CELA2B: variants seen among roughly 807,000 people sequenced by gnomAD.
The protein encoded by CELA2B is chymotrypsin like elastase 2B, also known as chymotrypsin-like elastase family member 2B.
A neutral mutation model predicts 36.5 loss-of-function variants in CELA2B; 27 were observed. That is an observed-to-expected ratio of 0.74 (90% CI 0.55 to 1.02). CELA2B has a LOEUF of 1.02. CELA2B is among the 50% of genes least tolerant of loss of function. The pLI, the probability that CELA2B is intolerant of heterozygous loss-of-function variation, is 0.00. For synonymous variants in CELA2B, 143 were observed against 148.5 expected (o/e 0.96, Z 0.27); for missense variants, 340 against 347.8 (o/e 0.98, Z 0.18).
At chr1:15,477,166 C>T (rs1200422702) in intron 2 of CELA2B, among the ~76,000 whole-genome samples, 1 of 152,162 alleles carries the variant, frequency 6.6e-6, no homozygotes, top group Admixed American at 6.5e-5. Flanking sequence ...TCCTATGAAC[C>T]ATTCAAGACT....
chr1:15,484,225 G>A (rs1373495797), intron 5 of CELA2B, among the ~76,000 whole-genome samples: 1 of 152,054 alleles, frequency 6.6e-6, no homozygotes, highest in Admixed American at 6.6e-5. Context: ...GTGCCATTTG[G>A]TCTTGCTACT....
chr1:15,489,265 C>T (rs1708842350), intron 7 of CELA2B, among the ~76,000 whole-genome samples: 1 of 151,112 alleles, frequency 6.6e-6, no homozygotes, highest in Non-Finnish European at 1.5e-5. Context: ...TGTTCCCAGC[C>T]ACAGACACAA....
chr1:15,483,520 G>A, intron 5 of CELA2B, 120 bp downstream of exon 5: 1 of 1,499,780 alleles, frequency 6.7e-7, no homozygotes, highest in African/African-American at 1.4e-5. Context: ...GGAGAGACAG[G>A]ATGGCATAGG....
At chr1:15,491,240 G>T in intron 7 of CELA2B, 55 bp from the exon 8 acceptor site, 7 of 1,611,800 alleles carry the variant, frequency 4.3e-6, no homozygotes, top group Non-Finnish European at 5.9e-6. Context: ...AAACTGCCAC[G>T]CACAGCTCTG....
chr1:15,490,440 C>T (rs1708868224), intron 7 of CELA2B, among the ~76,000 whole-genome samples: 1 of 152,188 alleles, frequency 6.6e-6, no homozygotes, highest in African/African-American at 2.4e-5. Flanking sequence ...ATGCAGCTTT[C>T]ATGTTTCCTA....
intron 1 of CELA2B, 97 bp from the exon 2 acceptor site, chr1:15,476,360 C>T (rs1163790692): frequency 2.4e-5 from 35 of 1,434,104 alleles, no homozygotes; most frequent in Non-Finnish European, 3.1e-5. Flanking sequence ...CCTTCTAGAA[C>T]AAGGGTTTTC....
At position 15,490,220 on chromosome 1, in the gene CELA2B, ATATCTATCTATC is replaced by A. The variant is rs3060903; in HGVS notation, c.793-1047_793-1036del. ...GTGTGGTCTTCTCAACTTTATGTGCATATCTATCTATCTATCTATCTATCTATCTATCTATCT... is the reference window on the plus strand; with the variant it reads ...GTGTGGTCTTCTCAACTTTATGTGCATATCTATCTATCTATCTATCTATCT... On this transcript the variant is annotated intron_variant, in intron 7 of 7. Transcript: ENST00000375910. Among the ~76,000 whole-genome samples the A allele has an allele frequency of 2.8e-3, 418 of 148,616 alleles. 4 individuals are homozygous for A. Among genetic ancestry groups the A allele is most frequent in the African/African-American group, 7.3e-3 (296 of 40,482 alleles).
At chr1:15,480,777 T>C (rs892273270) in intron 2 of CELA2B, among the ~76,000 whole-genome samples, 1 of 151,992 alleles carries the variant, frequency 6.6e-6, no homozygotes, top group African/African-American at 2.4e-5. Context: ...AGCCAAACCA[T>C]ATCAGACGGG....
chr1:15,485,792 T>C (rs1708796290), intron 5 of CELA2B, 109 bp from the exon 6 acceptor site: 3 of 1,318,350 alleles, frequency 2.3e-6, no homozygotes, highest in Non-Finnish European at 3.2e-6. Flanking sequence ...GCTGTTCCCA[T>C]GTTGCAATGG....
intron 2 of CELA2B, among the ~76,000 whole-genome samples, chr1:15,479,132 G>A (rs1388671011): frequency 6.6e-6 from 1 of 152,182 alleles, no homozygotes; most frequent in Non-Finnish European, 1.5e-5. Flanking sequence ...TGGGGTGGGG[G>A]AGTAGATACT....
In CELA2B at chr1:15,483,244, C is replaced by T. The variant is rs533711715; in HGVS notation, c.357-20C>T. ...GAAAAGTCAACCCTGTTCTCATGCT[C>T]CGCCTCCGCACTCACCCAGGAACGA... On this transcript the variant is annotated intron_variant, in intron 4 of 7. Transcript: ENST00000375910. 7.7e-5 allele frequency: 125 copies of T among 1,613,146 alleles called. 1 individual carries two copies. In the South Asian group the frequency reaches 1.2e-3, roughly 16 times the overall value.
At chr1:15,489,766 A>T (rs1286158029) in intron 7 of CELA2B, among the ~76,000 whole-genome samples, 1 of 152,248 alleles carries the variant, frequency 6.6e-6, no homozygotes, top group Non-Finnish European at 1.5e-5. Context: ...AAGGTAATAC[A>T]TACTCTTTGT....
At chr1:15,485,501 CAG>C (rs1489420908) in intron 5 of CELA2B, among the ~76,000 whole-genome samples, 1 of 152,256 alleles carries the variant, frequency 6.6e-6, no homozygotes, top group Non-Finnish European at 1.5e-5. Context: ...AGACTAGAAT[CAG>C]GGGCTGGAAG....
intron 2 of CELA2B, among the ~76,000 whole-genome samples, chr1:15,480,120 C>T (rs1427811354): frequency 6.6e-6 from 1 of 152,026 alleles, no homozygotes; most frequent in Non-Finnish European, 1.5e-5. Context: ...AGATGGGAGA[C>T]TAGAATGATC....
At position 15,481,208 on chromosome 1, in the gene CELA2B, C is replaced by T; in HGVS notation, c.227+13C>T. ...CCCACTGCATCAGGTAACTGCCATT[C>T]CCTGGGCGCTTGGCCTGCTCACCAG... On this transcript the variant is annotated intron_variant, in intron 3 of 7. Coordinates refer to ENST00000375910, the MANE Select transcript of CELA2B (RefSeq NM_015849.3). The T allele has an allele frequency of 6.2e-7, 1 of 1,614,182 alleles. No individual in the cohort carries two copies.
Position 15,489,290 on chromosome 1 carries a change from G to T in CELA2B, c.792+1853G>T, listed in dbSNP as rs555895071. On this transcript the variant is annotated intron_variant, in intron 7 of 7. Coordinates refer to ENST00000375910, the MANE Select transcript of CELA2B (RefSeq NM_015849.3). ...CACAGACACAAGCACAACAGAACAG[G>T]CCAGATCCCAAAGCATGGCCAGATG... is the stretch of plus-strand genomic sequence containing the variant. Among the ~76,000 whole-genome samples, 7 of 152,170 alleles carry T rather than the reference G, an allele frequency of 4.6e-5. No homozygotes were observed. In the South Asian group the frequency reaches 1.4e-3, roughly 31 times the overall value.
chr1:15,486,099 G>A, intron 6 of CELA2B, 53 bp downstream of exon 6: 1 of 1,593,984 alleles, frequency 6.3e-7, no homozygotes, highest in Non-Finnish European at 8.6e-7. Context: ...GGCTGGGGAT[G>A]GGAAGAGGCT....
intron 7 of CELA2B, among the ~76,000 whole-genome samples, chr1:15,489,567 GTGAC>G (rs1708848397): frequency 3.3e-5 from 5 of 152,150 alleles, no homozygotes; most frequent in Admixed American, 3.3e-4. Flanking sequence ...AGCCCTGGGG[GTGAC>G]TGAGAGCACC....
chr1:15,487,534 C>T, intron 7 of CELA2B, 97 bp downstream of exon 7: 1 of 1,486,402 alleles, frequency 6.7e-7, no homozygotes, highest in Non-Finnish European at 9.2e-7. Flanking sequence ...CCCCTCCTTC[C>T]TCTTGAGAGC....
Sources: gnomAD v4.1 joint callset for allele counts (sites outside exome capture counted in the v4.1 genomes callset) on GRCh38, gnomAD v4.1.1 for gene constraint, MANE v1.5 for transcripts, NCBI Gene and HGNC (gene_info 2026-07-23, HGNC 2026-07-21) for gene names.